SNX29: variants seen among roughly 807,000 people sequenced by gnomAD.
SNX29 encodes the protein sorting nexin 29.
In SNX29, 78 loss-of-function variants were observed where a neutral mutation model predicts 102.1. The ratio of observed to expected loss-of-function variants is 0.76; its 90% CI spans 0.64 to 0.92. SNX29 has a LOEUF of 0.92. Among genes scored for constraint, SNX29 ranks in the 40% least tolerant of loss-of-function variants. The probability of loss-of-function intolerance (pLI) is 0.00; values close to 1 mark genes in which losing one functional copy is unlikely to be tolerated. For synonymous variants in SNX29, 580 were observed against 414.5 expected (o/e 1.40, Z -4.85); for missense variants, 1,280 against 1,061.7 (o/e 1.21, Z -2.86).
intron 16 of SNX29, among the ~76,000 whole-genome samples, chr16:12,361,416 AAACCCGATT>A (rs904186610): frequency 4.0e-4 from 61 of 152,346 alleles, no homozygotes; most frequent in African/African-American, 1.2e-3. Flanking sequence ...GTGGATAATA[AAACCCGATT>A]AACCTGTACA....
intron 20 of SNX29, among the ~76,000 whole-genome samples, chr16:12,548,653 G>A (rs960773028): frequency 2.6e-5 from 4 of 152,214 alleles, no homozygotes; most frequent in Non-Finnish European, 5.9e-5. Context: ...CTCATTTGGT[G>A]TCAACTCAGC....
At position 12,542,620 on chromosome 16, in the gene SNX29, C is replaced by G. The variant is rs138595658; in HGVS notation, c.2318+17779C>G. On this transcript the variant is annotated intron_variant, in intron 20 of 20. Transcript: ENST00000566228. ...GTGCTGGGATTACAGGCGTGAGCCA[C>G]GGCACCCAGTGTGGGTCTAACACTT... 5.3e-5 allele frequency among the ~76,000 whole-genome samples: 8 copies of G among 152,358 alleles called. No homozygotes were observed. The East Asian group carries it at 9.6e-4, about 18-fold the overall frequency.
chr16:12,396,817 A>G (rs2083740383), intron 16 of SNX29, among the ~76,000 whole-genome samples: 2 of 152,216 alleles, frequency 1.3e-5, no homozygotes, highest in South Asian at 4.1e-4. Flanking sequence ...TTAAATTGAT[A>G]TATAATGTAT....
rs958383415 is a variant in SNX29, at chr16:12,437,385, C to T, written c.2037+33856C>T. ...GCCCACCGCATTCCCTGTCTCATAG[C>T]GGGGAGAGTCAGGTTCAGATGGCTG... is the stretch of plus-strand genomic sequence containing the variant. On this transcript the variant is annotated intron_variant, in intron 18 of 20. Coordinates refer to ENST00000566228, the MANE Select transcript of SNX29 (RefSeq NM_032167.5). Among the ~76,000 whole-genome samples, 8 of 152,170 alleles carry T rather than the reference C, an allele frequency of 5.3e-5. No individual in the cohort carries two copies. In the South Asian group the frequency reaches 6.2e-4, roughly 12 times the overall value.
At chr16:12,006,206 A>AAATAATAATAAT (rs58638368) in intron 3 of SNX29, among the ~76,000 whole-genome samples, 696 of 146,712 alleles carry the variant, frequency 4.7e-3, no homozygotes, top group Non-Finnish European at 6.5e-3. Flanking sequence ...CCTGTCTCTA[A>AAATAATAATAAT]AATAATAATA....
chr16:12,162,504 C>G (rs1014089406), intron 13 of SNX29, among the ~76,000 whole-genome samples: 1 of 152,152 alleles, frequency 6.6e-6, no homozygotes, highest in Non-Finnish European at 1.5e-5. Flanking sequence ...AGAAAGCTGC[C>G]AGAGACATTA....
intron 20 of SNX29, among the ~76,000 whole-genome samples, chr16:12,529,610 T>C (rs961000668): frequency 1.3e-5 from 2 of 152,142 alleles, no homozygotes; most frequent in African/African-American, 2.4e-5. Flanking sequence ...GGCAGAGTAA[T>C]GTAGGTCACA....
chr16:12,159,450 C>G (rs950332910), intron 13 of SNX29, among the ~76,000 whole-genome samples: 1 of 152,208 alleles, frequency 6.6e-6, no homozygotes, highest in Non-Finnish European at 1.5e-5. Flanking sequence ...TTGGACCAGG[C>G]GTTTCTCCCT....
At chr16:12,493,811 CA>C (rs2088672497) in intron 19 of SNX29, among the ~76,000 whole-genome samples, 1 of 152,178 alleles carries the variant, frequency 6.6e-6, no homozygotes, top group African/African-American at 2.4e-5. Context: ...AGACTGGTTG[CA>C]AACTCCTGAC....
chr16:12,364,790 C>T (rs1261242765), intron 16 of SNX29, among the ~76,000 whole-genome samples: 1 of 152,146 alleles, frequency 6.6e-6, no homozygotes, highest in Non-Finnish European at 1.5e-5. Context: ...TCCACTTAAG[C>T]AGAAAAGATG....
At chr16:12,311,212 C>T (rs1189685540) in intron 15 of SNX29, among the ~76,000 whole-genome samples, 1 of 152,184 alleles carries the variant, frequency 6.6e-6, no homozygotes, top group East Asian at 1.9e-4. Flanking sequence ...GCCCCCTACC[C>T]TAGGTAAAGA....
chr16:12,347,450 A>G (rs775995754), intron 15 of SNX29, among the ~76,000 whole-genome samples: 1 of 152,068 alleles, frequency 6.6e-6, no homozygotes, highest in East Asian at 1.9e-4. Flanking sequence ...AAGATGGGAG[A>G]TGCAGGACCA....
intron 5 of SNX29, among the ~76,000 whole-genome samples, chr16:12,044,815 T>G (rs1030264133): frequency 6.6e-6 from 1 of 152,108 alleles, no homozygotes; most frequent in African/African-American, 2.4e-5. Flanking sequence ...TCTCCTGACC[T>G]CGTGATCCTC....
intron 16 of SNX29, among the ~76,000 whole-genome samples, chr16:12,370,697 T>A (rs889098612): frequency 2.0e-5 from 3 of 152,218 alleles, no homozygotes; most frequent in Non-Finnish European, 4.4e-5. Flanking sequence ...CTCCCTGAAA[T>A]GAGTTTATAT....
At chr16:12,494,343 G>C (rs1191774683) in intron 19 of SNX29, among the ~76,000 whole-genome samples, 2 of 152,140 alleles carry the variant, frequency 1.3e-5, no homozygotes, top group African/African-American at 2.4e-5. Context: ...TTGTTTAATT[G>C]TCTCCTTCCT....
At chr16:12,134,422 T>G (rs778494906) in intron 13 of SNX29, among the ~76,000 whole-genome samples, 18 of 152,322 alleles carry the variant, frequency 1.2e-4, no homozygotes, top group Non-Finnish European at 2.5e-4. Flanking sequence ...CCAGAGTTGC[T>G]GTCATCTGAA....
chr16:12,155,047 C>G (rs1193191092), intron 13 of SNX29, among the ~76,000 whole-genome samples: 1 of 152,158 alleles, frequency 6.6e-6, no homozygotes. Context: ...GCTTCTCATT[C>G]TGCCTCCCAC....
intron 14 of SNX29, among the ~76,000 whole-genome samples, chr16:12,240,075 CTT>C (rs1382065656): frequency 6.6e-6 from 1 of 152,194 alleles, no homozygotes; most frequent in Non-Finnish European, 1.5e-5. Context: ...AGTTTTGTGT[CTT>C]TAAATATTAT....
At chr16:12,414,904 G>T (rs1380486207) in intron 18 of SNX29, among the ~76,000 whole-genome samples, 2 of 152,156 alleles carry the variant, frequency 1.3e-5, no homozygotes, top group African/African-American at 2.4e-5. Context: ...TGTGTTTTTA[G>T]TAGAGATGGG....
Sources: gnomAD v4.1 joint callset for allele counts (sites outside exome capture counted in the v4.1 genomes callset) on GRCh38, gnomAD v4.1.1 for gene constraint, MANE v1.5 for transcripts, NCBI Gene and HGNC (gene_info 2026-07-23, HGNC 2026-07-21) for gene names.